The following AEBP2 variants were observed in gnomAD, a reference collection of about 807,000 sequenced individuals.
The protein encoded by AEBP2 is AE binding protein 2.
In AEBP2, 10 loss-of-function variants were observed where a neutral mutation model predicts 50.8. The ratio of observed to expected loss-of-function variants is 0.20; its 90% CI spans 0.12 to 0.33. AEBP2 has a LOEUF of 0.33. Ranked by LOEUF, AEBP2 falls within the 10% of genes least tolerant of loss-of-function variation. The pLI is 1.00. For missense variants in AEBP2, 570 were observed against 688.0 expected, an observed-to-expected ratio of 0.83 and a Z score of 1.92; for synonymous variants, 296 against 261.3, an observed-to-expected ratio of 1.13 and a Z score of -1.28.
intron 1 of AEBP2, chr12:19,456,362 A>G: frequency 7.3e-7 from 1 of 1,373,690 alleles, no homozygotes; most frequent in Non-Finnish European, 1.0e-6. Context: ...CATGAACAGC[A>G]GCGCGACCCA....
intron 1 of AEBP2, among the ~76,000 whole-genome samples, chr12:19,416,902 C>T (rs1210003564): frequency 1.4e-5 from 2 of 147,696 alleles, no homozygotes; most frequent in Admixed American, 6.8e-5. Context: ...GTTGGAATCT[C>T]GCTCTGTCGC....
At chr12:19,406,540 G>A (rs1421581756) in intron 1 of AEBP2, among the ~76,000 whole-genome samples, 1 of 151,968 alleles carries the variant, frequency 6.6e-6, no homozygotes, top group South Asian at 2.1e-4. Flanking sequence ...ATAGCCGAAC[G>A]TGGTGGCATG....
intron 5 of AEBP2, among the ~76,000 whole-genome samples, chr12:19,508,108 G>A (rs1162058205): frequency 6.6e-6 from 1 of 152,080 alleles, no homozygotes; most frequent in East Asian, 1.9e-4. Context: ...TCATTGTAGA[G>A]GTATTTTGTT....
At chr12:19,433,113 C>T (rs947186715) in intron 1 of AEBP2, among the ~76,000 whole-genome samples, 2 of 152,176 alleles carry the variant, frequency 1.3e-5, no homozygotes, top group Admixed American at 6.5e-5. Flanking sequence ...GGGCTGGGCA[C>T]AGTGGCTCAC....
upstream of AEBP2, among the ~76,000 whole-genome samples, chr12:19,436,251 G>C (rs772265797): frequency 6.6e-5 from 10 of 152,078 alleles, no homozygotes; most frequent in Admixed American, 2.0e-4. Flanking sequence ...TGCCAATGTC[G>C]GGAAGTTACC....
intron 3 of AEBP2, among the ~76,000 whole-genome samples, chr12:19,491,667 T>G (rs575196383): frequency 6.6e-6 from 1 of 152,214 alleles, no homozygotes; most frequent in African/African-American, 2.4e-5. Flanking sequence ...ATATTTTGTA[T>G]GTCAAAATAG....
intron 1 of AEBP2, among the ~76,000 whole-genome samples, chr12:19,453,815 A>G (rs954828077): frequency 1.3e-5 from 2 of 151,858 alleles, no homozygotes; most frequent in African/African-American, 4.8e-5. Context: ...GTTTTTTGAG[A>G]CAGAGTATTG....
intron 5 of AEBP2, among the ~76,000 whole-genome samples, chr12:19,503,264 T>C (rs1949109135): frequency 6.6e-6 from 1 of 152,162 alleles, no homozygotes; most frequent in Admixed American, 6.5e-5. Context: ...TATGATTTCT[T>C]TTAGCAGCCT....
At position 19,514,602 on chromosome 12, in the gene AEBP2, T is replaced by G. The variant is rs145023295; in HGVS notation, c.1368-69T>G. ...CAAAGTAGCAGAAAATGCCAGAATG[T>G]GAAGGCACATGGAAGTGTAAATCTA... On this transcript the variant is annotated intron_variant, in intron 6 of 7. Transcript: ENST00000266508. 6.2e-3 allele frequency: 7,554 copies of G among 1,210,680 alleles called. 70 individuals carry two copies. The highest frequency in any genetic ancestry group is 0.026 in the South Asian group (1,832 of 71,468). The allele number at this position is 1,210,680 out of a possible 1,614,324, so 75.0% of individuals were successfully genotyped here.
At chr12:19,458,241 G>C (rs1055910484) in intron 1 of AEBP2, among the ~76,000 whole-genome samples, 4 of 152,140 alleles carry the variant, frequency 2.6e-5, no homozygotes, top group African/African-American at 9.7e-5. Context: ...TTCATCAGTC[G>C]AGAGAATGGA....
chr12:19,461,039 T>A (rs1470135886), intron 1 of AEBP2, among the ~76,000 whole-genome samples: 1 of 152,168 alleles, frequency 6.6e-6, no homozygotes, highest in East Asian at 1.9e-4. Flanking sequence ...AGAAACAGAT[T>A]ACAGATAGCA....
At chr12:19,470,913 T>G (rs1364864276) in intron 2 of AEBP2, among the ~76,000 whole-genome samples, 1 of 152,200 alleles carries the variant, frequency 6.6e-6, no homozygotes, top group Non-Finnish European at 1.5e-5. Context: ...TTGATATTGT[T>G]CCCAAATACT....
At chr12:19,476,741 A>G (rs921765645) in intron 3 of AEBP2, among the ~76,000 whole-genome samples, 1 of 152,194 alleles carries the variant, frequency 6.6e-6, no homozygotes, top group African/African-American at 2.4e-5. Flanking sequence ...AAAGTCAGAT[A>G]ATGTGATACC....
At chr12:19,407,596 C>T (rs1381342948) in intron 1 of AEBP2, among the ~76,000 whole-genome samples, 1 of 152,136 alleles carries the variant, frequency 6.6e-6, no homozygotes, top group Non-Finnish European at 1.5e-5. Flanking sequence ...GCCACTACGC[C>T]CAGCCTCCAT....
At chr12:19,431,141 G>T (rs747498886) in intron 1 of AEBP2, among the ~76,000 whole-genome samples, 1 of 152,168 alleles carries the variant, frequency 6.6e-6, no homozygotes, top group Non-Finnish European at 1.5e-5. Flanking sequence ...AAAAATAGGG[G>T]TATGACTAAA....
intron 2 of AEBP2, among the ~76,000 whole-genome samples, chr12:19,470,122 G>A (rs1285816282): frequency 1.3e-5 from 2 of 151,814 alleles, no homozygotes; most frequent in African/African-American, 4.8e-5. Flanking sequence ...AGAAAATATA[G>A]CCTCGAACAG....
chr12:19,514,825 T>A, intron 7 of AEBP2, 41 bp downstream of exon 7: 14 of 1,468,900 alleles, frequency 9.5e-6, no homozygotes, highest in Non-Finnish European at 1.2e-5. Flanking sequence ...TTTTGATTTG[T>A]AATTTTCTCT....
At chr12:19,452,277 GC>G (rs1948176950) in intron 1 of AEBP2, among the ~76,000 whole-genome samples, 1 of 152,202 alleles carries the variant, frequency 6.6e-6, no homozygotes, top group Non-Finnish European at 1.5e-5. Flanking sequence ...ACAGGCAAGA[GC>G]AACTGCTCCT....
At chr12:19,488,150 G>C (rs1297644470) in intron 3 of AEBP2, among the ~76,000 whole-genome samples, 2 of 148,512 alleles carry the variant, frequency 1.3e-5, no homozygotes, top group Non-Finnish European at 3.0e-5. Flanking sequence ...TTGAGGCGTA[G>C]TTTTGTTCTG....
Sources: allele counts gnomAD v4.1 joint callset (sites outside exome capture counted in the v4.1 genomes callset), GRCh38; gene constraint gnomAD v4.1.1; transcripts MANE v1.5; gene names NCBI Gene and HGNC (gene_info 2026-07-23, HGNC 2026-07-21).